The following POU2F1 variants were observed in gnomAD, a reference collection of about 807,000 sequenced individuals.
The protein encoded by POU2F1 is POU class 2 homeobox 1.
Under a neutral mutation model 84.9 loss-of-function variants are expected in POU2F1, and 16 were observed. The ratio of observed to expected loss-of-function variants is 0.19; its 90% confidence interval spans 0.13 to 0.29. POU2F1 has a LOEUF of 0.29. Ranked by LOEUF, POU2F1 falls within the 10% of genes least tolerant of loss-of-function variation. The pLI is 1.00. For missense variants in POU2F1, 738 were observed against 942.6 expected (o/e 0.78, Z 2.84); for synonymous variants, 368 against 368.3 (o/e 1.00, Z 0.01).
In POU2F1 at chr1:167,412,078, G is replaced by C; in HGVS notation, c.1675G>C (p.Glu559Gln). Residue 559 changes from glutamate (E) to glutamine (Q), a missense_variant, in exon 14 of 16, where the codon GAG becomes CAG. Glu to Gln is a conservative substitution (Grantham distance 29, BLOSUM62 2). Coordinates refer to ENST00000367866, the MANE Select transcript of POU2F1 (RefSeq NM_002697.4). ...CCCTTCTGCCTCAGCCTCCACCTCCGAGGCATCCAGTGCCAGTGAGACCAG... is the reference window on the plus strand; with the variant it reads ...CCCTTCTGCCTCAGCCTCCACCTCCCAGGCATCCAGTGCCAGTGAGACCAG... ...PSPSASASTSEASSASETSTT... is the reference protein window; with the variant it reads ...PSPSASASTSQASSASETSTT... 3 of 1,614,080 alleles carry C rather than the reference G, an allele frequency of 1.9e-6. No individual in the cohort carries two copies. Among genetic ancestry groups the C allele is most frequent in the South Asian group, 1.1e-5 (1 of 91,080 alleles).
At chr1:167,390,001 T>C (rs150518330) in intron 9 of POU2F1, among the ~76,000 whole-genome samples, 90 of 152,280 alleles carry the variant, frequency 5.9e-4, no homozygotes, top group African/African-American at 2.0e-3. Flanking sequence ...ATAAGTAACG[T>C]AGAGATGATT....
intron 2 of POU2F1, among the ~76,000 whole-genome samples, chr1:167,340,548 C>T (rs1657778913): frequency 6.6e-6 from 1 of 151,340 alleles, no homozygotes; most frequent in Admixed American, 6.6e-5. Context: ...TCTCCCGCCT[C>T]AGCCTCTCAA....
At chr1:167,228,363 T>C (rs1648796994) in intron 1 of POU2F1, among the ~76,000 whole-genome samples, 1 of 152,236 alleles carries the variant, frequency 6.6e-6, no homozygotes, top group Admixed American at 6.5e-5. Flanking sequence ...GTTTATTAAC[T>C]AATTACTGTA....
At chr1:167,322,492 C>G (rs1326028824) in intron 1 of POU2F1, among the ~76,000 whole-genome samples, 1 of 152,242 alleles carries the variant, frequency 6.6e-6, no homozygotes, top group African/African-American at 2.4e-5. Flanking sequence ...AGGCAGAAGG[C>G]TCACAGCTTT....
intron 1 of POU2F1, among the ~76,000 whole-genome samples, chr1:167,299,683 C>T (rs1185404207): frequency 2.8e-5 from 4 of 141,264 alleles, no homozygotes; most frequent in Non-Finnish European, 6.0e-5. Context: ...AGACTCAATT[C>T]AGGAGACCAG....
chr1:167,225,710 A>C (rs1648579790), intron 1 of POU2F1, among the ~76,000 whole-genome samples: 1 of 152,342 alleles, frequency 6.6e-6, no homozygotes, highest in East Asian at 1.9e-4. Flanking sequence ...GTATTGCTTC[A>C]TCTTGAATTT....
intron 1 of POU2F1, among the ~76,000 whole-genome samples, chr1:167,250,220 A>AT (rs761809834): frequency 2.6e-4 from 39 of 152,330 alleles, no homozygotes; most frequent in Non-Finnish European, 4.9e-4. Context: ...GATGAAGAAC[A>AT]AATGGTTGGG....
chr1:167,284,169 A>G (rs1418864860), intron 1 of POU2F1, among the ~76,000 whole-genome samples: 4 of 152,190 alleles, frequency 2.6e-5, no homozygotes, highest in Non-Finnish European at 5.9e-5. Context: ...TCTAAACAGT[A>G]TATGTGTTAA....
At chr1:167,237,477 C>G (rs1333119654) in intron 1 of POU2F1, among the ~76,000 whole-genome samples, 1 of 151,884 alleles carries the variant, frequency 6.6e-6, no homozygotes, top group Non-Finnish European at 1.5e-5. Context: ...TTTGTATTTT[C>G]TTTTTCATCT....
At chr1:167,266,441 C>T (rs927545264) in intron 1 of POU2F1, among the ~76,000 whole-genome samples, 5 of 151,910 alleles carry the variant, frequency 3.3e-5, no homozygotes, top group East Asian at 3.8e-4. Flanking sequence ...ATCTTTTCAT[C>T]GGTAATTAAG....
intron 14 of POU2F1, 109 bp from the exon 15 acceptor site, chr1:167,412,917 C>A: frequency 1.2e-6 from 1 of 804,718 alleles, no homozygotes; most frequent in Non-Finnish European, 2.1e-6. Flanking sequence ...TAAATATTTC[C>A]ACCTATTTCC....
At chr1:167,390,198 C>A (rs967443964) in intron 9 of POU2F1, among the ~76,000 whole-genome samples, 6 of 152,142 alleles carry the variant, frequency 3.9e-5, no homozygotes, top group African/African-American at 1.4e-4. Flanking sequence ...TGTTCCTCAG[C>A]CATGTTGTTT....
chr1:167,326,536 G>A (rs1475193003), intron 1 of POU2F1, among the ~76,000 whole-genome samples: 1 of 152,188 alleles, frequency 6.6e-6, no homozygotes, highest in African/African-American at 2.4e-5. Context: ...TCTAAAATTA[G>A]TAGGGTACCT....
In POU2F1 at chr1:167,298,448, A is replaced by T. The variant is rs940146735; in HGVS notation, c.62-34022A>T. ...GCAGAAGAAAACAAGTTAAATGTAA[A>T]TTTTTTTTCTGTTTCCTGCTCTGTA... On this transcript the variant is annotated intron_variant, in intron 1 of 15. Coordinates refer to ENST00000367866, the MANE Select transcript of POU2F1 (RefSeq NM_002697.4). 1.1e-4 allele frequency among the ~76,000 whole-genome samples: 17 copies of T among 151,988 alleles called. No homozygotes were observed. The Middle Eastern group carries it at 0.01, about 91-fold the overall frequency.
chr1:167,227,699 G>C (rs1003935247), intron 1 of POU2F1, among the ~76,000 whole-genome samples: 3 of 152,052 alleles, frequency 2.0e-5, no homozygotes, highest in Non-Finnish European at 2.9e-5. Context: ...TGTAGTCTTT[G>C]GGAATAACAA....
chr1:167,251,235 C>CA (rs5778545), intron 1 of POU2F1, among the ~76,000 whole-genome samples: 16,186 of 151,850 alleles, frequency 0.11, 2,129 homozygotes, highest in African/African-American at 0.32. Flanking sequence ...CCCATCTCTA[C>CA]AAAAAAATCC....
chr1:167,368,323 A>G (rs1659811564), intron 3 of POU2F1, among the ~76,000 whole-genome samples: 1 of 151,788 alleles, frequency 6.6e-6, no homozygotes, highest in Non-Finnish European at 1.5e-5. Flanking sequence ...TACAGCAGAA[A>G]TGATGCTGAG....
chr1:167,297,194 A>C (rs1273612068), intron 1 of POU2F1, among the ~76,000 whole-genome samples: 1 of 152,242 alleles, frequency 6.6e-6, no homozygotes, highest in Non-Finnish European at 1.5e-5. Flanking sequence ...CAGAACACTG[A>C]AATAATCCTT....
Position 167,220,939 on chromosome 1 carries a change from CGCG to C in POU2F1, c.48_50del (p.Ala20del), listed in dbSNP as rs1308574421. 3 of 1,535,330 alleles carry C rather than the reference CGCG, an allele frequency of 2.0e-6. No individual in the cohort carries two copies. In the Admixed American group the frequency reaches 5.9e-5, roughly 30 times the overall value. ...CAGCGAGTCAAGATGAGAGTTCAGC[CGCG>C]GCGGCAGCAGCAGCAGGTAATCATT... On this transcript the variant is annotated inframe_deletion, in exon 1 of 16. Transcript: ENST00000367866.
Sources: gnomAD v4.1 joint callset for allele counts (sites outside exome capture counted in the v4.1 genomes callset) on GRCh38, gnomAD v4.1.1 for gene constraint, MANE v1.5 for transcripts, NCBI Gene and HGNC (gene_info 2026-07-23, HGNC 2026-07-21) for gene names.